TRIP12: variants seen among roughly 807,000 people sequenced by gnomAD.
The protein encoded by TRIP12 is thyroid hormone receptor interactor 12, also known as E3 ubiquitin-protein ligase TRIP12.
In TRIP12, 25 loss-of-function variants were observed where a neutral mutation model predicts 244.2. The ratio of observed to expected loss-of-function variants is 0.10; its 90% confidence interval spans 0.07 to 0.14. TRIP12 has a LOEUF of 0.14. TRIP12 is among the 10% of genes least tolerant of loss of function. TRIP12 has a pLI of 1.00. For synonymous variants in TRIP12, 905 were observed against 873.1 expected (o/e 1.04, Z -0.64); for missense variants, 1,677 against 2,486.4 (o/e 0.67, Z 6.92).
At chr2:229,839,703 G>T (rs908885652) in intron 5 of TRIP12, among the ~76,000 whole-genome samples, 1 of 151,682 alleles carries the variant, frequency 6.6e-6, no homozygotes, top group African/African-American at 2.4e-5. Context: ...GAAAAAAGTG[G>T]CATGACTTAC....
At chr2:229,879,672 G>A (rs2064402314) in intron 2 of TRIP12, among the ~76,000 whole-genome samples, 2 of 152,190 alleles carry the variant, frequency 1.3e-5, no homozygotes, top group Non-Finnish European at 2.9e-5. Flanking sequence ...GACCACGAAT[G>A]GTGAAAGATG....
Position 229,814,236 on chromosome 2 carries a change from C to A in TRIP12, c.1821G>T (p.Gln607His). ...LSRRHSKAILQAGGLADCLLY... is the reference protein window; with the variant it reads ...LSRRHSKAILHAGGLADCLLY... The stretch of plus-strand genomic sequence containing the variant: ...CCCCTTCAGTAACAACACTTACCGC[C>A]TGTAGAATGGCTTTACTATGTCTCC... Residue 607 changes from glutamine to histidine, a missense_variant, in exon 12 of 42, where the codon CAG (glutamine) becomes CAT (histidine). Physicochemically the swap from Gln to His is conservative, Grantham distance 24. Coordinates refer to ENST00000675903, the MANE Select transcript of TRIP12 (RefSeq NM_001348323.3). 1.4e-5 allele frequency: 23 copies of A among 1,614,054 alleles called. No homozygotes were observed. Among genetic ancestry groups the A allele is most frequent in the Non-Finnish European group, 1.9e-5 (22 of 1,179,942 alleles).
At chr2:229,899,828 T>A (rs1235400671) in intron 1 of TRIP12, among the ~76,000 whole-genome samples, 1 of 152,142 alleles carries the variant, frequency 6.6e-6, no homozygotes, top group Non-Finnish European at 1.5e-5. Flanking sequence ...GAATGAGCAA[T>A]ATATAACTGT....
Position 229,789,354 on chromosome 2 carries a change from T to C in TRIP12, c.4695+257A>G, listed in dbSNP as rs539817149. ...AAGAATTTTAACTATAATAAATCCA[T>C]GTTCAAGTTTCATATTGTAGCTTAA... On this transcript the variant is annotated intron_variant, in intron 31 of 41. Coordinates refer to ENST00000675903, the MANE Select transcript of TRIP12 (RefSeq NM_001348323.3). 7.4e-4 allele frequency among the ~76,000 whole-genome samples: 113 copies of C among 152,340 alleles called. 2 individuals are homozygous for C. Among genetic ancestry groups the C allele is most frequent in the Non-Finnish European group, 7.6e-4 (52 of 68,034 alleles).
At chr2:229,768,740 C>T (rs766093589) in intron 40 of TRIP12, 21 bp from the exon 41 acceptor site, 6 of 1,579,118 alleles carry the variant, frequency 3.8e-6, no homozygotes, top group Non-Finnish European at 3.4e-6. Flanking sequence ...AATAAATATA[C>T]CAAAATTATT....
Position 229,767,358 on chromosome 2 carries a change from G to A in TRIP12, c.*196C>T, listed in dbSNP as rs969654630. The A allele has an allele frequency of 2.8e-5, 13 of 471,738 alleles. No individual in the cohort carries two copies. The highest frequency in any genetic ancestry group is 5.8e-4 in the Middle Eastern group (1 of 1,736). The allele number at this position is 471,738 out of a possible 1,614,324, so 29.2% of individuals were successfully genotyped here. On this transcript the variant is annotated 3_prime_UTR_variant, in exon 42 of 42. Coordinates refer to ENST00000675903, the MANE Select transcript of TRIP12 (RefSeq NM_001348323.3). ...GCTAAAGAAACCTCATCACAACAAC[G>A]TTTTAGGGCCTGATCACTTTAAGTC... is the stretch of plus-strand genomic sequence containing the variant.
intron 23 of TRIP12, among the ~76,000 whole-genome samples, chr2:229,798,129 C>T (rs2043266890): frequency 1.3e-5 from 2 of 152,126 alleles, no homozygotes; most frequent in South Asian, 4.1e-4. Flanking sequence ...CCTTTACTTC[C>T]TAAAGTACAT....
At chr2:229,922,620 G>A (rs376553274), upstream of TRIP12, 1,148 of 1,613,706 alleles carry the variant, frequency 7.1e-4, 20 homozygotes, top group South Asian at 0.012. Flanking sequence ...GCAAGTGCGA[G>A]CCGCGGTTTA....
intron 16 of TRIP12, 33 bp from the exon 17 acceptor site, chr2:229,807,897 T>C (rs1346937882): frequency 6.3e-7 from 1 of 1,583,926 alleles, no homozygotes; most frequent in Non-Finnish European, 8.6e-7. Flanking sequence ...TTTTAGTAAC[T>C]TTATGAAATA....
At chr2:229,789,175 C>A (rs1325844255) in intron 31 of TRIP12, among the ~76,000 whole-genome samples, 1 of 152,222 alleles carries the variant, frequency 6.6e-6, no homozygotes, top group African/African-American at 2.4e-5. Flanking sequence ...CGCCCAGCCA[C>A]TGCTGCTGGC....
chr2:229,901,961 A>G (rs2071027692), intron 1 of TRIP12, among the ~76,000 whole-genome samples: 1 of 152,166 alleles, frequency 6.6e-6, no homozygotes, highest in Non-Finnish European at 1.5e-5. Flanking sequence ...GCCCTCAGGG[A>G]TGAGTCATGA....
At chr2:229,779,053 C>A in intron 34 of TRIP12, 63 bp from the exon 35 acceptor site, 1 of 1,378,736 alleles carries the variant, frequency 7.3e-7, no homozygotes, top group Non-Finnish European at 1.0e-6. Context: ...TACTGCCAAC[C>A]TCTTGGAAAT....
In TRIP12 at chr2:229,767,746, G is replaced by T; in HGVS notation, c.6012C>A (p.Phe2004Leu). Residue 2004 changes from phenylalanine (F) to leucine (L), a missense_variant, in exon 42 of 42, where the codon TTC becomes TTA. Physicochemically the swap from Phe to Leu is conservative, Grantham distance 22. Coordinates refer to ENST00000675903, the MANE Select transcript of TRIP12 (RefSeq NM_001348323.3). The part of the protein sequence containing the change: ...TGSPRLPVGG[F>L]RSLNPPLTIV... ...TTGTCAAAGGTGGATTCAAACTCCG[G>T]AATCCTGATTAAGAGAAAAAGAAAG... is the stretch of plus-strand genomic sequence containing the variant. 1 of 1,606,324 alleles carries T rather than the reference G, an allele frequency of 6.2e-7. No individual in the cohort carries two copies. Among genetic ancestry groups the T allele is most frequent in the Admixed American group, 1.7e-5 (1 of 57,964 alleles).
intron 1 of TRIP12, among the ~76,000 whole-genome samples, chr2:229,887,428 G>A (rs1408882180): frequency 2.6e-5 from 4 of 152,110 alleles, no homozygotes; most frequent in Non-Finnish European, 5.9e-5. Context: ...CTGAAAATAA[G>A]CCTAAACTCT....
At chr2:229,893,554 A>C (rs2067939441) in intron 1 of TRIP12, among the ~76,000 whole-genome samples, 1 of 151,700 alleles carries the variant, frequency 6.6e-6, no homozygotes, top group Non-Finnish European at 1.5e-5. Context: ...GAAACATAGT[A>C]TGTACTCCTT....
intron 2 of TRIP12, among the ~76,000 whole-genome samples, chr2:229,864,102 G>A (rs1311119358): frequency 6.6e-6 from 1 of 150,544 alleles, no homozygotes; most frequent in Admixed American, 6.6e-5. Flanking sequence ...GCACACATGT[G>A]TTCAGGAGCT....
intron 1 of TRIP12, among the ~76,000 whole-genome samples, chr2:229,894,759 G>A (rs1002544815): frequency 1.3e-5 from 2 of 152,200 alleles, no homozygotes; most frequent in Non-Finnish European, 2.9e-5. Context: ...ACGCAGCGAT[G>A]CTCAGTATTT....
chr2:229,803,358 C>A (rs1160648657), intron 20 of TRIP12, among the ~76,000 whole-genome samples: 4 of 152,232 alleles, frequency 2.6e-5, no homozygotes, highest in African/African-American at 2.4e-5. Context: ...AAGTGATCCA[C>A]CTGCCTTGGC....
intron 6 of TRIP12, among the ~76,000 whole-genome samples, chr2:229,836,125 T>C (rs1259579673): frequency 1.3e-5 from 2 of 152,162 alleles, no homozygotes; most frequent in Non-Finnish European, 2.9e-5. Context: ...TAGTAAACAA[T>C]AGTATCTGAA....
Sources: allele counts gnomAD v4.1 joint callset (sites outside exome capture counted in the v4.1 genomes callset), GRCh38; gene constraint gnomAD v4.1.1; transcripts MANE v1.5; gene names NCBI Gene and HGNC (gene_info 2026-07-23, HGNC 2026-07-21).